The following KCNMA1 variants were observed in gnomAD, a reference collection of about 807,000 sequenced individuals.
The protein encoded by KCNMA1 is Calcium-activated potassium channel subunit alpha-1.
In KCNMA1, 29 loss-of-function variants were observed where a neutral mutation model predicts 140.0. That is an observed-to-expected ratio of 0.21 (90% CI 0.15 to 0.28). KCNMA1 has a LOEUF of 0.28. KCNMA1 is among the 10% of genes least tolerant of loss of function. The pLI is 1.00. For synonymous variants in KCNMA1, 612 were observed against 611.9 expected, an observed-to-expected ratio of 1.00 and a Z score of 0.00; for missense variants, 880 against 1,602.2, an observed-to-expected ratio of 0.55 and a Z score of 7.70.
At chr10:77,049,936 A>G (rs2095293983) in intron 14 of KCNMA1, among the ~76,000 whole-genome samples, 1 of 152,214 alleles carries the variant, frequency 6.6e-6, no homozygotes, top group Non-Finnish European at 1.5e-5. Flanking sequence ...CGGTTTTCTA[A>G]ATTCTAAATC....
intron 16 of KCNMA1, among the ~76,000 whole-genome samples, chr10:77,024,785 A>T (rs539927297): frequency 3.3e-5 from 5 of 152,290 alleles, no homozygotes; most frequent in South Asian, 2.1e-4. Flanking sequence ...GTGTTCTAAG[A>T]CTATACTGAG....
At chr10:77,385,697 T>C (rs1323222911) in intron 2 of KCNMA1, among the ~76,000 whole-genome samples, 1 of 152,104 alleles carries the variant, frequency 6.6e-6, no homozygotes, top group Non-Finnish European at 1.5e-5. Flanking sequence ...TTTGAACACA[T>C]GGAGTGCATG....
At chr10:77,036,800 G>A (rs1053647118) in intron 15 of KCNMA1, among the ~76,000 whole-genome samples, 8 of 152,086 alleles carry the variant, frequency 5.3e-5, no homozygotes, top group African/African-American at 1.7e-4. Flanking sequence ...TTAAACTGCT[G>A]GTAACTTTGA....
chr10:77,260,576 C>T (rs2061742235), intron 2 of KCNMA1, among the ~76,000 whole-genome samples: 1 of 152,036 alleles, frequency 6.6e-6, no homozygotes, highest in African/African-American at 2.4e-5. Context: ...GGGCGTGGTG[C>T]TGTGCACCTC....
rs1317760256 is a variant in KCNMA1 at position 76,885,423 on chromosome 10, G to A, written c.*1843C>T. 2 of 985,092 alleles carry A rather than the reference G, an allele frequency of 2.0e-6. No individual in the cohort carries two copies. Among genetic ancestry groups the A allele is most frequent in the African/African-American group, 1.7e-5 (1 of 57,158 alleles). The allele number at this position is 985,092 out of a possible 1,614,324, so 61.0% of individuals were successfully genotyped here. On this transcript the variant is annotated 3_prime_UTR_variant, in exon 28 of 28. Coordinates refer to ENST00000286628, the MANE Select transcript of KCNMA1 (RefSeq NM_001161352.2). ...ATACTACGCTGCCCCTGTCTTTGGT[G>A]TGGGGGAGGGTGGAGGTTCTGACTG...
At chr10:76,914,275 G>T in intron 24 of KCNMA1, 4 of 661,968 alleles carry the variant, frequency 6.0e-6, no homozygotes, top group South Asian at 5.6e-5. Context: ...TTTGTCTTGG[G>T]GGAAGAGGCC....
intron 25 of KCNMA1, among the ~76,000 whole-genome samples, chr10:76,906,730 T>C (rs1484771260): frequency 1.3e-5 from 2 of 152,238 alleles, no homozygotes; most frequent in Non-Finnish European, 2.9e-5. Context: ...TTTATATTCA[T>C]GACAGCCCTT....
intron 1 of KCNMA1, among the ~76,000 whole-genome samples, chr10:77,598,312 A>G (rs148496901): frequency 6.6e-5 from 10 of 152,316 alleles, no homozygotes; most frequent in African/African-American, 2.4e-4. Context: ...CAGCTCCAAG[A>G]GGGCAAGGGT....
chr10:77,556,502 CA>C (rs11446237), intron 1 of KCNMA1, among the ~76,000 whole-genome samples: 75 of 68,888 alleles, frequency 1.1e-3, no homozygotes, highest in African/African-American at 2.8e-3. Flanking sequence ...GGGACTATCT[CA>C]AAAAAAAAAA....
chr10:77,297,955 T>C (rs1279578070), intron 2 of KCNMA1, among the ~76,000 whole-genome samples: 6 of 152,208 alleles, frequency 3.9e-5, no homozygotes, highest in Non-Finnish European at 8.8e-5. Context: ...AGTTGCTGAC[T>C]AAACCTGGGG....
intron 1 of KCNMA1, among the ~76,000 whole-genome samples, chr10:77,597,442 A>T (rs1310999497): frequency 6.6e-6 from 1 of 152,244 alleles, no homozygotes. Flanking sequence ...CTTGATCATT[A>T]TACATTCCAC....
chr10:77,083,843 A>AC (rs200528899), intron 12 of KCNMA1, among the ~76,000 whole-genome samples: 56 of 140,640 alleles, frequency 4.0e-4, no homozygotes, highest in East Asian at 1.7e-3. Flanking sequence ...TCTATGAAAA[A>AC]AAACGGGGGG....
intron 19 of KCNMA1, 56 bp from the exon 20 acceptor site, chr10:76,970,123 T>C (rs1190382759): frequency 1.5e-6 from 2 of 1,349,932 alleles, no homozygotes; most frequent in Non-Finnish European, 2.1e-6. Context: ...GACTGTGCAA[T>C]ACAGGCAAAA....
chr10:77,007,387 G>C (rs1449940706), intron 18 of KCNMA1, among the ~76,000 whole-genome samples: 1 of 152,042 alleles, frequency 6.6e-6, no homozygotes, highest in Non-Finnish European at 1.5e-5. Context: ...GAAAAACTTT[G>C]TTGTAAAGCA....
At chr10:77,544,750 G>A (rs1322208061) in intron 1 of KCNMA1, among the ~76,000 whole-genome samples, 1 of 152,142 alleles carries the variant, frequency 6.6e-6, no homozygotes, top group Non-Finnish European at 1.5e-5. Flanking sequence ...GCAGAGCTGG[G>A]CTTCAGCTTT....
intron 1 of KCNMA1, among the ~76,000 whole-genome samples, chr10:77,610,888 C>A (rs1463026707): frequency 6.6e-6 from 1 of 152,128 alleles, no homozygotes; most frequent in African/African-American, 2.4e-5. Context: ...ATTAAAAAAA[C>A]AAAAAAGCAC....
chr10:76,923,982 G>T (rs1177523292), intron 23 of KCNMA1, among the ~76,000 whole-genome samples: 2 of 152,172 alleles, frequency 1.3e-5, no homozygotes, highest in African/African-American at 4.8e-5. Flanking sequence ...TCCAGCCTGG[G>T]TGAAAAGGTG....
intron 1 of KCNMA1, among the ~76,000 whole-genome samples, chr10:77,555,184 C>A (rs186888074): frequency 1.3e-5 from 2 of 152,268 alleles, no homozygotes; most frequent in African/African-American, 4.8e-5. Context: ...GGCAGACAAA[C>A]AAGGGCATGT....
At chr10:76,902,515 A>G (rs1247804397) in intron 25 of KCNMA1, 1 of 152,256 alleles carries the variant, frequency 6.6e-6, no homozygotes. Flanking sequence ...GGCATTGAGT[A>G]TAAGACAGCT....
Sources: gnomAD v4.1 joint callset for allele counts (sites outside exome capture counted in the v4.1 genomes callset) on GRCh38, gnomAD v4.1.1 for gene constraint, MANE v1.5 for transcripts, NCBI Gene and HGNC (gene_info 2026-07-23, HGNC 2026-07-21) for gene names.